The following CCDC12 variants were observed in gnomAD, a reference collection of about 807,000 sequenced individuals.
The protein encoded by CCDC12 is coiled-coil domain containing 12.
In CCDC12, 28 loss-of-function variants were observed where a neutral mutation model predicts 25.7. The observed-to-expected ratio is 1.09, with a 90% CI of 0.81 to 1.50. The LOEUF (loss-of-function observed/expected upper bound fraction) is 1.50. CCDC12 is among the 40% of genes most tolerant of loss of function. The pLI is 0.00. For missense variants in CCDC12, 198 were observed against 210.0 expected (o/e 0.94, Z 0.35); for synonymous variants, 75 against 87.7 (o/e 0.86, Z 0.81).
upstream of CCDC12, among the ~76,000 whole-genome samples, chr3:46,981,642 C>T (rs1184855246): frequency 6.6e-6 from 1 of 152,136 alleles, no homozygotes; most frequent in Non-Finnish European, 1.5e-5. Context: ...AGAAGCCTAC[C>T]CTAGTCCTCC....
At position 46,925,217 on chromosome 3, in the gene CCDC12, G is replaced by C. The variant is rs995395516; in HGVS notation, c.244+239C>G. 5.9e-6 allele frequency: 4 copies of C among 681,954 alleles called. No homozygotes were observed. In the Admixed American group the frequency reaches 8.1e-5, roughly 14 times the overall value. 42.2% of individuals were successfully genotyped at this position (681,954 alleles called of 1,614,324 possible). A position where few individuals can be genotyped will look rare whatever the true frequency, so the allele number is the denominator to read the frequency against. ...CCCACTCAGATCCCTGGGAGGCCTC[G>C]GTCTCAGGGTGTGAGCAGGACTGAG... is the stretch of plus-strand genomic sequence containing the variant. On this transcript the variant is annotated intron_variant, in intron 3 of 6. Coordinates refer to ENST00000683445, the MANE Select transcript of CCDC12 (RefSeq NM_001277074.2).
At chr3:46,934,643 C>T (rs2107122994) in intron 2 of CCDC12, among the ~76,000 whole-genome samples, 2 of 152,308 alleles carry the variant, frequency 1.3e-5, no homozygotes, top group South Asian at 4.1e-4. Context: ...GTGCCCGGTG[C>T]CAGCACATGG....
At chr3:46,922,355 C>T (rs377117607) in intron 5 of CCDC12, 43 bp from the exon 6 acceptor site, 19 of 1,608,804 alleles carry the variant, frequency 1.2e-5, no homozygotes, top group Non-Finnish European at 1.4e-5. Flanking sequence ...TGAAGGCTGG[C>T]CTGATGTGGC....
At chr3:46,931,209 G>A (rs909316922) in intron 2 of CCDC12, among the ~76,000 whole-genome samples, 2 of 152,170 alleles carry the variant, frequency 1.3e-5, no homozygotes, top group Non-Finnish European at 2.9e-5. Context: ...CTTCTAAAAT[G>A]GGTAGCTGAC....
At chr3:46,973,420 A>T (rs2034866196) in intron 1 of CCDC12, among the ~76,000 whole-genome samples, 1 of 149,438 alleles carries the variant, frequency 6.7e-6, no homozygotes, top group South Asian at 2.1e-4. Context: ...GCTTGAACCC[A>T]GGAGGCGGAG....
At chr3:46,956,452 C>T (rs968799823) in intron 1 of CCDC12, among the ~76,000 whole-genome samples, 2 of 152,226 alleles carry the variant, frequency 1.3e-5, no homozygotes, top group Non-Finnish European at 2.9e-5. Context: ...CCACACTCAG[C>T]TGCCTGAGGG....
At chr3:46,980,580 G>C (rs1445855111), upstream of CCDC12, among the ~76,000 whole-genome samples, 1 of 152,136 alleles carries the variant, frequency 6.6e-6, no homozygotes, top group Non-Finnish European at 1.5e-5. Context: ...GATGCCCAGG[G>C]TGAGGGTGGG....
At chr3:46,943,655 G>A (rs2033800880) in intron 1 of CCDC12, among the ~76,000 whole-genome samples, 1 of 152,210 alleles carries the variant, frequency 6.6e-6, no homozygotes, top group Non-Finnish European at 1.5e-5. Flanking sequence ...CCACCCTCCT[G>A]GAGCCCCAGA....
In CCDC12 at chr3:46,957,285, C is replaced by T. The variant is rs2107173071; in HGVS notation, c.97-16220G>A. On this transcript the variant is annotated intron_variant, in intron 1 of 6. Coordinates refer to ENST00000683445, the MANE Select transcript of CCDC12 (RefSeq NM_001277074.2). The stretch of plus-strand genomic sequence containing the variant: ...GATTCCAGGGCACAGGGCAACAGGG[C>T]TAACTGTAGTATCTAGTACTCGAAG... Among the ~76,000 whole-genome samples the T allele has an allele frequency of 3.3e-5, 5 of 152,294 alleles. No individual in the cohort carries two copies. The Middle Eastern group carries it at 0.01, about 311-fold the overall frequency.
At chr3:46,976,836 G>C (rs2035012949), upstream of CCDC12, 1 of 1,517,678 alleles carries the variant, frequency 6.6e-7, no homozygotes, top group East Asian at 2.5e-5. Context: ...ATGAGAGACT[G>C]GGAGGTCCTG....
At chr3:46,957,111 T>C (rs186779343) in intron 1 of CCDC12, among the ~76,000 whole-genome samples, 2 of 152,272 alleles carry the variant, frequency 1.3e-5, no homozygotes, top group Admixed American at 1.3e-4. Flanking sequence ...TTTCCCAGCC[T>C]GCCTTGAAGC....
upstream of CCDC12, among the ~76,000 whole-genome samples, chr3:46,981,111 C>T: frequency 6.6e-6 from 1 of 152,278 alleles, no homozygotes; most frequent in Admixed American, 6.5e-5. Flanking sequence ...TAACTCAGAT[C>T]GAACTCGACT....
At chr3:46,943,037 G>A (rs569155070) in intron 1 of CCDC12, among the ~76,000 whole-genome samples, 7 of 152,300 alleles carry the variant, frequency 4.6e-5, no homozygotes, top group South Asian at 2.1e-4. Context: ...GGCTCTGGCC[G>A]GTGTTCTTAA....
intron 1 of CCDC12, among the ~76,000 whole-genome samples, chr3:46,964,293 GC>G (rs2034569662): frequency 6.6e-6 from 1 of 150,678 alleles, no homozygotes; most frequent in East Asian, 2.0e-4. Context: ...GTGGGGGTCA[GC>G]CCCCGCCCGG....
chr3:46,929,723 T>C (rs576892926), intron 2 of CCDC12, among the ~76,000 whole-genome samples: 145 of 152,216 alleles, frequency 9.5e-4, no homozygotes, highest in Non-Finnish European at 1.7e-3. Flanking sequence ...GGACTGACTT[T>C]TTTTCAAGAG....
chr3:46,951,376 C>T (rs1444007979), intron 1 of CCDC12, among the ~76,000 whole-genome samples: 3 of 151,896 alleles, frequency 2.0e-5, no homozygotes, highest in Admixed American at 6.6e-5. Context: ...AGTCTCACCA[C>T]AAAAAATGTT....
At chr3:46,942,877 G>C (rs4683289) in intron 1 of CCDC12, among the ~76,000 whole-genome samples, 144,013 of 152,078 alleles carry the variant, frequency 0.95, 68,733 homozygotes, top group East Asian at 1. Context: ...CATAGGGGGA[G>C]AGAAGTGGGA....
intron 1 of CCDC12, among the ~76,000 whole-genome samples, chr3:46,974,125 T>G (rs1240897578): frequency 6.6e-6 from 1 of 152,156 alleles, no homozygotes. Context: ...TTTGATTACA[T>G]GAGGTACCTA....
intron 1 of CCDC12, among the ~76,000 whole-genome samples, chr3:46,950,777 G>T (rs1160366996): frequency 2.0e-5 from 3 of 151,796 alleles, no homozygotes; most frequent in Non-Finnish European, 4.4e-5. Context: ...GAATGAGTAA[G>T]AAAATTTAGT....
Sources: gnomAD v4.1 joint callset for allele counts (sites outside exome capture counted in the v4.1 genomes callset) on GRCh38, gnomAD v4.1.1 for gene constraint, MANE v1.5 for transcripts, NCBI Gene and HGNC (gene_info 2026-07-23, HGNC 2026-07-21) for gene names.